Variants in RYR3 observed in about 807,000 individuals in gnomAD.
RYR3 encodes the protein brain ryanodine receptor-calcium release channel.
RYR3 carries 207 observed loss-of-function variants against 584.3 expected under a neutral mutation model. The ratio of observed to expected loss-of-function variants is 0.35; its 90% CI spans 0.32 to 0.40. The LOEUF (loss-of-function observed/expected upper bound fraction) is 0.40, where lower values mean the gene tolerates loss of function less well. Among genes scored for constraint, RYR3 ranks in the 10% least tolerant of loss-of-function variants. The pLI, the probability that RYR3 is intolerant of heterozygous loss-of-function variation, is 1.00. For synonymous variants in RYR3, 2,416 were observed against 2,248.5 expected, an observed-to-expected ratio of 1.07 and a Z score of -2.11; for missense variants, 5,616 against 6,089.2, an observed-to-expected ratio of 0.92 and a Z score of 2.59.
rs749549941 is a variant in RYR3 at position 33,451,925 on chromosome 15, G to A, written c.52-21494G>A. ...GAATAATCTAATCAGTACTCAAACC[G>A]GAGTCTTTGGGATTTCATTCTGGTG... On this transcript the variant is annotated intron_variant, in intron 1 of 103. Coordinates refer to ENST00000634891, the MANE Select transcript of RYR3 (RefSeq NM_001036.6). Among the ~76,000 whole-genome samples the A allele has an allele frequency of 6.6e-5, 10 of 152,258 alleles. 1 individual carries two copies. The South Asian group carries it at 1.0e-3, about 16-fold the overall frequency.
chr15:33,343,549 T>C (rs1318782470), intron 1 of RYR3, among the ~76,000 whole-genome samples: 3 of 152,226 alleles, frequency 2.0e-5, no homozygotes, highest in Admixed American at 2.0e-4. Context: ...TGAATTTTCC[T>C]GCGCTTTCCA....
At position 33,857,633 on chromosome 15, in the gene RYR3, A is replaced by G; in HGVS notation, c.14008-147A>G. 3 of 894,700 alleles carry G rather than the reference A, an allele frequency of 3.4e-6. No individual in the cohort carries two copies. In the South Asian group the frequency reaches 5.2e-5, roughly 16 times the overall value. 55.4% of individuals were successfully genotyped at this position (894,700 alleles called of 1,614,324 possible). A position where few individuals can be genotyped will look rare whatever the true frequency, so the allele number is the denominator to read the frequency against. ...TTTCCTCCTCTGCTCATGGCCTGATAGCTTTCTTAGCCGCCCTCCACCCCT... is the reference window on the plus strand; with the variant it reads ...TTTCCTCCTCTGCTCATGGCCTGATGGCTTTCTTAGCCGCCCTCCACCCCT... On this transcript the variant is annotated intron_variant, in intron 98 of 103. Coordinates refer to ENST00000634891, the MANE Select transcript of RYR3 (RefSeq NM_001036.6).
chr15:33,445,498 C>T (rs780591260), intron 1 of RYR3, among the ~76,000 whole-genome samples: 15 of 152,118 alleles, frequency 9.9e-5, no homozygotes, highest in Non-Finnish European at 1.6e-4. Flanking sequence ...TCTAGGTCCC[C>T]TCTAGGGAAT....
Position 33,848,422 on chromosome 15 carries a change from G to GTTT in RYR3, c.13628+2_13628+3insTTT. The stretch of plus-strand genomic sequence containing the variant: ...GGGACCGCTTGGTGATCAACACACC[G>GTTT]TGAGTGTCCCTCTACCCCAACCTAA... On this transcript the variant is annotated splice_donor_variant, in intron 94 of 103. Transcript: ENST00000634891. LOFTEE classifies it high-confidence loss of function. The GTTT allele has an allele frequency of 6.2e-7, 1 of 1,611,274 alleles. No individual in the cohort carries two copies. The highest frequency in any genetic ancestry group is 8.5e-7 in the Non-Finnish European group (1 of 1,179,250).
chr15:33,449,284 T>G (rs2046915156), intron 1 of RYR3, among the ~76,000 whole-genome samples: 1 of 152,214 alleles, frequency 6.6e-6, no homozygotes, highest in Non-Finnish European at 1.5e-5. Flanking sequence ...CCTCACTGGC[T>G]GTTAACCAGA....
At chr15:33,626,639 A>AT (rs953691951) in intron 20 of RYR3, among the ~76,000 whole-genome samples, 2 of 152,072 alleles carry the variant, frequency 1.3e-5, no homozygotes, top group African/African-American at 4.8e-5. Flanking sequence ...GGAAAAAATG[A>AT]TTTTCTGGGC....
intron 37 of RYR3, among the ~76,000 whole-genome samples, chr15:33,670,115 G>C (rs955979378): frequency 1.3e-5 from 2 of 151,966 alleles, no homozygotes; most frequent in Non-Finnish European, 2.9e-5. Context: ...TCTTCCAGAG[G>C]TTTCAACACT....
intron 23 of RYR3, among the ~76,000 whole-genome samples, chr15:33,632,127 C>T (rs149765490): frequency 1.8e-4 from 28 of 152,382 alleles, no homozygotes; most frequent in African/African-American, 6.3e-4. Flanking sequence ...CTTATACCTA[C>T]CTACAATAGA....
chr15:33,681,999 A>G (rs938053592), intron 38 of RYR3, among the ~76,000 whole-genome samples: 19 of 152,236 alleles, frequency 1.2e-4, no homozygotes, highest in African/African-American at 4.6e-4. Context: ...ATAAAAGATT[A>G]TTTACAGACC....
chr15:33,852,930 A>G, intron 94 of RYR3, 115 bp from the exon 95 acceptor site: 3 of 849,712 alleles, frequency 3.5e-6, no homozygotes, highest in Non-Finnish European at 3.8e-6. Flanking sequence ...TTCTTTGGTG[A>G]GCAGGACACA....
chr15:33,829,210 T>C (rs2077534353), intron 85 of RYR3, among the ~76,000 whole-genome samples: 1 of 152,206 alleles, frequency 6.6e-6, no homozygotes, highest in Non-Finnish European at 1.5e-5. Flanking sequence ...TGTTGTTGAC[T>C]ATGCACCTGG....
chr15:33,715,113 T>A (rs1214783571), intron 43 of RYR3, among the ~76,000 whole-genome samples: 1 of 152,244 alleles, frequency 6.6e-6, no homozygotes, highest in African/African-American at 2.4e-5. Context: ...TAGACTGTTG[T>A]GCTGGGAGAC....
At chr15:33,350,328 A>C (rs1397359304) in intron 1 of RYR3, among the ~76,000 whole-genome samples, 1 of 152,208 alleles carries the variant, frequency 6.6e-6, no homozygotes. Flanking sequence ...TTAACACCCC[A>C]CTGCCAACAT....
chr15:33,592,866 G>A (rs2059198147), intron 16 of RYR3, among the ~76,000 whole-genome samples: 1 of 152,208 alleles, frequency 6.6e-6, no homozygotes, highest in South Asian at 2.1e-4. Flanking sequence ...CCGTGACAGA[G>A]CCTCAGGAAG....
At chr15:33,444,856 G>A (rs1341616235) in intron 1 of RYR3, among the ~76,000 whole-genome samples, 5 of 151,756 alleles carry the variant, frequency 3.3e-5, no homozygotes, top group African/African-American at 1.2e-4. Context: ...GTATACATAT[G>A]TAACTAACCT....
Position 33,533,304 on chromosome 15 carries a change from T to C in RYR3, c.355-7T>C, listed in dbSNP as rs1374181427. The C allele has an allele frequency of 1.1e-5, 17 of 1,592,604 alleles. No homozygotes were observed. The highest frequency in any genetic ancestry group is 1.4e-5 in the Non-Finnish European group (16 of 1,167,446). On this transcript the variant is annotated splice_polypyrimidine_tract_variant and splice_region_variant and intron_variant, in intron 4 of 103. Coordinates refer to ENST00000634891, the MANE Select transcript of RYR3 (RefSeq NM_001036.6). ...TGACTTCACTAGTATTTGCTCTTCT[T>C]TCACAGTATCTAACATGCTTGACTA...
At chr15:33,743,646 G>T (rs913448636) in intron 52 of RYR3, among the ~76,000 whole-genome samples, 2 of 152,196 alleles carry the variant, frequency 1.3e-5, no homozygotes, top group Non-Finnish European at 2.9e-5. Flanking sequence ...CACAGCATTA[G>T]CCAAGCCATC....
At position 33,788,228 on chromosome 15, in the gene RYR3, G is replaced by T; in HGVS notation, c.9600G>T (p.Gln3200His). 1 of 1,613,930 alleles carries T rather than the reference G, an allele frequency of 6.2e-7. No homozygotes were observed. Among genetic ancestry groups the T allele is most frequent in the Non-Finnish European group, 8.5e-7 (1 of 1,179,870 alleles). ...TCTTTGTAAACGCAGTGTATGCACA[G>T]CCCATCATCAGCAAAGCCAGGCCCG... is the stretch of plus-strand genomic sequence containing the variant. The part of the protein sequence containing the change: ...SWMKRIAVYA[Q>H]PIISKARPDL... Residue 3200 changes from glutamine (Q) to histidine (H), a missense_variant, in exon 67 of 104, where the codon CAG becomes CAT. Coordinates refer to ENST00000634891, the MANE Select transcript of RYR3 (RefSeq NM_001036.6).
intron 60 of RYR3, among the ~76,000 whole-genome samples, chr15:33,768,360 A>G (rs1396005772): frequency 1.3e-5 from 2 of 152,220 alleles, no homozygotes; most frequent in Non-Finnish European, 2.9e-5. Flanking sequence ...ATGGTACTCT[A>G]TAGCAAAGTA....
Sources: allele counts gnomAD v4.1 joint callset (sites outside exome capture counted in the v4.1 genomes callset), GRCh38; gene constraint gnomAD v4.1.1; transcripts MANE v1.5; gene names NCBI Gene and HGNC (gene_info 2026-07-23, HGNC 2026-07-21).